DENND1B: variants seen among roughly 807,000 people sequenced by gnomAD.
DENND1B encodes DENN domain containing 1B, also known as DENN domain-containing protein 1B.
Under a neutral mutation model 90.1 loss-of-function variants are expected in DENND1B, and 59 were observed. That is an observed-to-expected ratio of 0.65 (90% CI 0.53 to 0.81). The LOEUF is 0.81. Ranked by LOEUF, DENND1B falls within the 40% of genes least tolerant of loss-of-function variation. The probability of loss-of-function intolerance (pLI) is 0.00; values close to 1 mark genes in which losing one functional copy is unlikely to be tolerated. For synonymous variants in DENND1B, 337 were observed against 324.6 expected (o/e 1.04, Z -0.41); for missense variants, 862 against 912.6 (o/e 0.94, Z 0.71).
intron 10 of DENND1B, among the ~76,000 whole-genome samples, chr1:197,634,041 C>T (rs770181601): frequency 1.3e-5 from 2 of 152,298 alleles, no homozygotes; most frequent in Non-Finnish European, 1.5e-5. Flanking sequence ...GAAAATTCTG[C>T]CAGTGTGGCA....
chr1:197,539,694 A>G lies in DENND1B; in HGVS notation c.1515+270T>C, dbSNP rs571482455. 3.3e-5 allele frequency among the ~76,000 whole-genome samples: 5 copies of G among 152,282 alleles called. 1 individual carries two copies. The highest frequency in any genetic ancestry group is 3.3e-4 in the Admixed American group (5 of 15,298). On this transcript the variant is annotated intron_variant, in intron 20 of 22. Transcript: ENST00000620048. ...ATCATCAAGCTATTCACACTCTATA[A>G]GAATCACACATTCAATTGTCTTTTC...
At chr1:197,728,528 A>G (rs1319741187) in intron 2 of DENND1B, among the ~76,000 whole-genome samples, 1 of 152,150 alleles carries the variant, frequency 6.6e-6, no homozygotes, top group Non-Finnish European at 1.5e-5. Flanking sequence ...CCAGACACCA[A>G]TGCTAAAAGT....
chr1:197,531,447 A>AT (rs1272569488), intron 20 of DENND1B, among the ~76,000 whole-genome samples: 2 of 3,674 alleles, frequency 5.4e-4, no homozygotes, highest in African/African-American at 5.9e-4. Context: ...ATTTTATTTT[A>AT]TTTTTTTTAT....
chr1:197,715,193 C>A, intron 2 of DENND1B, 119 bp from the exon 3 acceptor site: 4 of 688,926 alleles, frequency 5.8e-6, no homozygotes, highest in Middle Eastern at 3.2e-4. Flanking sequence ...TTAAATTTTT[C>A]TTTAAACATT....
At chr1:197,756,835 A>C (rs1267811343) in intron 2 of DENND1B, among the ~76,000 whole-genome samples, 1 of 151,588 alleles carries the variant, frequency 6.6e-6, no homozygotes, top group Non-Finnish European at 1.5e-5. Context: ...TATGCCTGAA[A>C]GGGAAAGAAA....
chr1:197,568,063 G>A (rs79046774), intron 15 of DENND1B, among the ~76,000 whole-genome samples: 1,655 of 151,404 alleles, frequency 0.011, 29 homozygotes, highest in African/African-American at 0.038. Context: ...AGGGAAGGAG[G>A]GAGGGAGGGA....
intron 5 of DENND1B, among the ~76,000 whole-genome samples, chr1:197,666,781 G>A (rs1654976116): frequency 6.6e-6 from 1 of 152,190 alleles, no homozygotes; most frequent in Non-Finnish European, 1.5e-5. Flanking sequence ...CTAAACCATT[G>A]TATGAATAGC....
chr1:197,529,199 GAGTGATATATATATAT>G (rs1380305717), intron 20 of DENND1B, among the ~76,000 whole-genome samples: 2 of 81,990 alleles, frequency 2.4e-5, no homozygotes, highest in African/African-American at 4.5e-5. Flanking sequence ...AAATAGTTAA[GAGTGATATATATATAT>G]ATATATATAT....
chr1:197,594,261 C>T (rs1301942865), intron 14 of DENND1B, among the ~76,000 whole-genome samples: 2 of 152,112 alleles, frequency 1.3e-5, no homozygotes, highest in African/African-American at 2.4e-5. Flanking sequence ...ACCACTAATT[C>T]AGAAGTCAGT....
intron 13 of DENND1B, among the ~76,000 whole-genome samples, chr1:197,596,069 A>G (rs548904885): frequency 6.6e-6 from 1 of 152,126 alleles, no homozygotes; most frequent in South Asian, 2.1e-4. Flanking sequence ...CCACTACCAC[A>G]TGGTGGGTTT....
At chr1:197,758,865 CCTT>C (rs1485429129) in intron 2 of DENND1B, among the ~76,000 whole-genome samples, 2 of 151,854 alleles carry the variant, frequency 1.3e-5, no homozygotes, top group Non-Finnish European at 2.9e-5. Flanking sequence ...AATTCTCTCT[CCTT>C]GTTTCTCACT....
chr1:197,720,438 G>A (rs916079230), intron 2 of DENND1B, among the ~76,000 whole-genome samples: 3 of 151,484 alleles, frequency 2.0e-5, no homozygotes, highest in Non-Finnish European at 4.4e-5. Flanking sequence ...ATGAGGTCTC[G>A]CTATGTTACC....
intron 13 of DENND1B, among the ~76,000 whole-genome samples, chr1:197,598,055 T>C (rs1035663198): frequency 1.3e-5 from 2 of 151,936 alleles, no homozygotes; most frequent in African/African-American, 4.8e-5. Context: ...ATCATACATG[T>C]GGCTCACATT....
At chr1:197,521,814 T>C (rs1668797349) in intron 20 of DENND1B, among the ~76,000 whole-genome samples, 1 of 152,082 alleles carries the variant, frequency 6.6e-6, no homozygotes, top group African/African-American at 2.4e-5. Context: ...CTACTTTATG[T>C]ACTGTATTTT....
intron 15 of DENND1B, among the ~76,000 whole-genome samples, chr1:197,579,183 TA>T (rs1208991206): frequency 1.3e-5 from 2 of 152,188 alleles, no homozygotes; most frequent in African/African-American, 4.8e-5. Context: ...TTTGATGGAA[TA>T]ATTGGGGATG....
chr1:197,567,544 C>T (rs9727335), intron 15 of DENND1B, among the ~76,000 whole-genome samples: 5 of 152,088 alleles, frequency 3.3e-5, no homozygotes, highest in African/African-American at 4.8e-5. Flanking sequence ...AAAAAGAAAG[C>T]GAATTACATC....
chr1:197,735,358 CT>C, intron 2 of DENND1B: 4 of 1,335,476 alleles, frequency 3.0e-6, no homozygotes, highest in Non-Finnish European at 2.9e-6. Flanking sequence ...TCCACCTTGG[CT>C]TTTGGCAATT....
At chr1:197,731,719 A>C (rs1662168617) in intron 2 of DENND1B, among the ~76,000 whole-genome samples, 1 of 152,180 alleles carries the variant, frequency 6.6e-6, no homozygotes, top group Non-Finnish European at 1.5e-5. Context: ...AAAAAAGGAA[A>C]AACTTTTAAA....
At chr1:197,766,090 C>A (rs985488613) in intron 2 of DENND1B, among the ~76,000 whole-genome samples, 1 of 152,068 alleles carries the variant, frequency 6.6e-6, no homozygotes, top group Non-Finnish European at 1.5e-5. Context: ...AAAGAAAAAA[C>A]AGTTTCATTT....
Sources: allele counts gnomAD v4.1 joint callset (sites outside exome capture counted in the v4.1 genomes callset), GRCh38; gene constraint gnomAD v4.1.1; transcripts MANE v1.5; gene names NCBI Gene and HGNC (gene_info 2026-07-23, HGNC 2026-07-21).